The following MYZAP variants were observed in gnomAD, a reference collection of about 807,000 sequenced individuals.
MYZAP encodes myocardial zonula adherens protein.
MYZAP carries 66 observed loss-of-function variants against 69.4 expected under a neutral mutation model. That is an observed-to-expected ratio of 0.95 (90% CI 0.78 to 1.17). The LOEUF (loss-of-function observed/expected upper bound fraction) is 1.17. Ranked by LOEUF, MYZAP falls within the 50% of genes most tolerant of loss-of-function variation. MYZAP has a pLI of 0.00. For synonymous variants in MYZAP, 256 were observed against 205.9 expected, an observed-to-expected ratio of 1.24 and a Z score of -2.09; for missense variants, 611 against 556.2, an observed-to-expected ratio of 1.10 and a Z score of -0.99.
At chr15:57,648,539 A>G in intron 10 of MYZAP, 2 of 937,900 alleles carry the variant, frequency 2.1e-6, no homozygotes, top group East Asian at 1.2e-4. Context: ...CCAGTTTTTT[A>G]AGCATGGGAA....
chr15:57,597,618 G>C (rs371022843), intron 1 of MYZAP, among the ~76,000 whole-genome samples: 2 of 152,142 alleles, frequency 1.3e-5, no homozygotes, highest in African/African-American at 4.8e-5. Context: ...GGCGTTTGGG[G>C]CACATTGTGT....
Position 57,665,914 on chromosome 15 carries a change from C to A in MYZAP, c.1203+4381C>A, listed in dbSNP as rs147059959. On this transcript the variant is annotated intron_variant, in intron 11 of 12. Coordinates refer to ENST00000267853, the MANE Select transcript of MYZAP (RefSeq NM_001018100.5). ...TTGTGTTTTTACCCTGACACCTCTG[C>A]TTACAAGCAGAGTAACTCTGGGCAG... Among the ~76,000 whole-genome samples, 15 of 152,312 alleles carry A rather than the reference C, an allele frequency of 9.8e-5. 1 individual carries two copies. The East Asian group carries it at 2.9e-3, about 29-fold the overall frequency.
At chr15:57,614,258 C>T (rs147602593) in intron 2 of MYZAP, among the ~76,000 whole-genome samples, 95 of 152,324 alleles carry the variant, frequency 6.2e-4, no homozygotes, top group Non-Finnish European at 1.2e-3. Context: ...AGACTCATTG[C>T]ACGTCAGTCA....
chr15:57,657,467 G>C (rs575272645), intron 10 of MYZAP, among the ~76,000 whole-genome samples: 1 of 152,072 alleles, frequency 6.6e-6, no homozygotes, highest in African/African-American at 2.4e-5. Flanking sequence ...TTCTCTTCCA[G>C]CTTTTACTTT....
At chr15:57,625,946 G>A in intron 5 of MYZAP, 54 bp downstream of exon 5, 1 of 1,514,740 alleles carries the variant, frequency 6.6e-7, no homozygotes, top group Non-Finnish European at 9.2e-7. Flanking sequence ...CAAGAGTGGG[G>A]ACTGTGCCTT....
rs753890537 is a variant in MYZAP at position 57,646,185 on chromosome 15, A to AGAT, written c.1119+6644_1119+6646dup. Reference sequence around the variant, plus strand: ...CAGATTTAGTCTCCGGCTCTTTGGAAGATGATAAGTTGGTAGCCTGCTCTG... The same window carrying AGAT: ...CAGATTTAGTCTCCGGCTCTTTGGAAGATGATGATAAGTTGGTAGCCTGCTCTG... On this transcript the variant is annotated intron_variant, in intron 10 of 12. Transcript: ENST00000267853. 4 of 1,289,266 alleles carry AGAT rather than the reference A, an allele frequency of 3.1e-6. No homozygotes were observed. In the African/African-American group the frequency reaches 6.1e-5, roughly 20 times the overall value. 79.9% of individuals were successfully genotyped at this position (1,289,266 alleles called of 1,614,324 possible). A position where few individuals can be genotyped will look rare whatever the true frequency, so the allele number is the denominator to read the frequency against.
chr15:57,640,831 G>A (rs1050304509), intron 10 of MYZAP, among the ~76,000 whole-genome samples: 1 of 152,206 alleles, frequency 6.6e-6, no homozygotes, highest in Admixed American at 6.5e-5. Flanking sequence ...TAGCAGAGGA[G>A]GCCACGCACG....
chr15:57,669,688 T>G (rs1372804315), intron 11 of MYZAP, among the ~76,000 whole-genome samples: 1 of 152,230 alleles, frequency 6.6e-6, no homozygotes, highest in African/African-American at 2.4e-5. Flanking sequence ...ATTTCGGGAT[T>G]ACTTTGCTCT....
At chr15:57,651,683 T>C (rs1467002941) in intron 10 of MYZAP, among the ~76,000 whole-genome samples, 1 of 152,074 alleles carries the variant, frequency 6.6e-6, no homozygotes, top group Non-Finnish European at 1.5e-5. Flanking sequence ...ATGAAAGTCT[T>C]GGCACCTCAG....
chr15:57,652,842 A>G (rs1567229145), intron 10 of MYZAP, among the ~76,000 whole-genome samples: 1 of 152,126 alleles, frequency 6.6e-6, no homozygotes, highest in Non-Finnish European at 1.5e-5. Context: ...TCCTTGTAAA[A>G]TTTTCAAATT....
At chr15:57,627,287 T>C (rs530346022) in intron 5 of MYZAP, among the ~76,000 whole-genome samples, 1 of 151,430 alleles carries the variant, frequency 6.6e-6, no homozygotes, top group East Asian at 2.0e-4. Context: ...TTCCTAGTTA[T>C]CATGCAGGCT....
chr15:57,603,748 G>C (rs1447272994), intron 1 of MYZAP, among the ~76,000 whole-genome samples: 1 of 152,000 alleles, frequency 6.6e-6, no homozygotes, highest in Non-Finnish European at 1.5e-5. Context: ...TGGACATTTG[G>C]GTTGCTTCCA....
intron 4 of MYZAP, among the ~76,000 whole-genome samples, chr15:57,622,490 C>T (rs1311522430): frequency 1.3e-5 from 2 of 151,848 alleles, no homozygotes; most frequent in Admixed American, 1.3e-4. Context: ...GAGGGAGTAG[C>T]CTTATTAAAT....
At chr15:57,663,165 A>G (rs528796858) in intron 11 of MYZAP, among the ~76,000 whole-genome samples, 1 of 152,316 alleles carries the variant, frequency 6.6e-6, no homozygotes, top group Non-Finnish European at 1.5e-5. Context: ...GAGAGGAAAG[A>G]CAGACTGACA....
intron 2 of MYZAP, among the ~76,000 whole-genome samples, chr15:57,614,654 G>A (rs2140368514): frequency 6.6e-6 from 1 of 152,282 alleles, no homozygotes; most frequent in Admixed American, 6.5e-5. Context: ...CCCATCCTGG[G>A]CCTGCCTCTT....
intron 10 of MYZAP, among the ~76,000 whole-genome samples, chr15:57,640,763 T>C (rs1340505973): frequency 6.6e-6 from 1 of 152,176 alleles, no homozygotes; most frequent in Non-Finnish European, 1.5e-5. Context: ...AGTTATACTG[T>C]GTTGAATCAT....
At chr15:57,663,431 G>A (rs1460211329) in intron 11 of MYZAP, among the ~76,000 whole-genome samples, 1 of 152,174 alleles carries the variant, frequency 6.6e-6, no homozygotes, top group African/African-American at 2.4e-5. Context: ...GCCCCACTAG[G>A]GGAATGGGGA....
intron 10 of MYZAP, among the ~76,000 whole-genome samples, chr15:57,659,854 A>G (rs1338594709): frequency 1.3e-5 from 2 of 152,316 alleles, no homozygotes; most frequent in South Asian, 4.2e-4. Flanking sequence ...AAACCTATGT[A>G]ATAACTTATG....
chr15:57,640,936 G>T (rs1272394413), intron 10 of MYZAP, among the ~76,000 whole-genome samples: 1 of 152,236 alleles, frequency 6.6e-6, no homozygotes, highest in African/African-American at 2.4e-5. Flanking sequence ...CTAGGTAGAT[G>T]TCAGGAGTGT....
Sources: gnomAD v4.1 joint callset for allele counts (sites outside exome capture counted in the v4.1 genomes callset) on GRCh38, gnomAD v4.1.1 for gene constraint, MANE v1.5 for transcripts, NCBI Gene and HGNC (gene_info 2026-07-23, HGNC 2026-07-21) for gene names.